The following ARHGAP26 variants were observed in gnomAD, a reference collection of about 807,000 sequenced individuals.
The protein encoded by ARHGAP26 is Rho GTPase activating protein 26.
A neutral mutation model predicts 104.8 loss-of-function variants in ARHGAP26; 38 were observed. The observed-to-expected ratio is 0.36, with a 90% CI of 0.28 to 0.48. ARHGAP26 has a LOEUF of 0.48. ARHGAP26 is among the 20% of genes least tolerant of loss of function. The probability of loss-of-function intolerance (pLI) is 0.99; values close to 1 mark genes in which losing one functional copy is unlikely to be tolerated. For missense variants in ARHGAP26, 704 were observed against 947.9 expected, an observed-to-expected ratio of 0.74 and a Z score of 3.38; for synonymous variants, 341 against 340.0, an observed-to-expected ratio of 1.00 and a Z score of -0.03.
chr5:142,788,067 C>T (rs1350751101), intron 1 of ARHGAP26, among the ~76,000 whole-genome samples: 1 of 149,992 alleles, frequency 6.7e-6, no homozygotes, highest in Non-Finnish European at 1.5e-5. Flanking sequence ...GTGGCATGAT[C>T]TCGGCTCACT....
chr5:143,220,322 C>G (rs1187320230), intron 22 of ARHGAP26, among the ~76,000 whole-genome samples: 1 of 152,178 alleles, frequency 6.6e-6, no homozygotes, highest in Non-Finnish European at 1.5e-5. Context: ...TACTAGGTCG[C>G]TACTAGGAGG....
At chr5:143,008,656 G>T (rs1778326221) in intron 11 of ARHGAP26, among the ~76,000 whole-genome samples, 1 of 152,144 alleles carries the variant, frequency 6.6e-6, no homozygotes, top group African/African-American at 2.4e-5. Flanking sequence ...TCTTTATTTT[G>T]TCCAGATTTT....
At chr5:143,129,016 A>G (rs967900379) in intron 18 of ARHGAP26, among the ~76,000 whole-genome samples, 1 of 152,202 alleles carries the variant, frequency 6.6e-6, no homozygotes, top group African/African-American at 2.4e-5. Context: ...GGGATTGAAG[A>G]AGGTCTAAAA....
Position 143,028,513 on chromosome 5 carries a change from A to G in ARHGAP26, c.1145-8683A>G, listed in dbSNP as rs371331671. On this transcript the variant is annotated intron_variant, in intron 12 of 22. Transcript: ENST00000645722. ...ATATGAAAAGTATTTCATCAACTGG[A>G]AGATTTCATTCAAATATTAGGATAT... Among the ~76,000 whole-genome samples, 16 of 152,330 alleles carry G rather than the reference A, an allele frequency of 1.1e-4. 1 individual carries two copies. Among genetic ancestry groups the G allele is most frequent in the African/African-American group, 3.8e-4 (16 of 41,570 alleles).
Position 143,092,547 on chromosome 5 carries a change from C to T in ARHGAP26, c.1539-28441C>T, listed in dbSNP as rs540373964. On this transcript the variant is annotated intron_variant, in intron 17 of 22. Coordinates refer to ENST00000645722, the MANE Select transcript of ARHGAP26 (RefSeq NM_001135608.3). ...CATTCCTTTTTACATAAATTCTCCCCCCCCCACCTTTTTTTTTCTCAAAAA... is the reference window on the plus strand; with the variant it reads ...CATTCCTTTTTACATAAATTCTCCCTCCCCCACCTTTTTTTTTCTCAAAAA... 1.2e-3 allele frequency among the ~76,000 whole-genome samples: 175 copies of T among 152,172 alleles called. 2 individuals are homozygous for T. The South Asian group carries it at 0.022, about 19-fold the overall frequency.
At chr5:142,919,290 C>T (rs1762891381) in intron 10 of ARHGAP26, 1 of 398,466 alleles carries the variant, frequency 2.5e-6, no homozygotes, top group Non-Finnish European at 4.4e-6. Context: ...GGTGATGCAC[C>T]TACAAGCCAA....
At chr5:143,071,019 T>G (rs1436168281) in intron 17 of ARHGAP26, among the ~76,000 whole-genome samples, 1 of 152,170 alleles carries the variant, frequency 6.6e-6, no homozygotes, top group Non-Finnish European at 1.5e-5. Context: ...AAAGCAGTCC[T>G]AAGAAAGAAC....
intron 11 of ARHGAP26, among the ~76,000 whole-genome samples, chr5:143,007,431 C>T (rs187653966): frequency 1.3e-5 from 2 of 152,248 alleles, no homozygotes; most frequent in Admixed American, 1.3e-4. Context: ...TGTAGAATTC[C>T]TGTTATGCTT....
chr5:142,845,087 G>C (rs1460843459), intron 1 of ARHGAP26, among the ~76,000 whole-genome samples: 2 of 152,114 alleles, frequency 1.3e-5, no homozygotes, highest in Non-Finnish European at 2.9e-5. Flanking sequence ...ACAAGCACCA[G>C]GAATATCCTG....
intron 10 of ARHGAP26, among the ~76,000 whole-genome samples, chr5:142,915,916 A>G (rs933708967): frequency 1.3e-5 from 2 of 151,758 alleles, no homozygotes; most frequent in Non-Finnish European, 2.9e-5. Flanking sequence ...TCTCTCAAAG[A>G]CTCCTGTACT....
chr5:143,008,921 A>G (rs1778368964), intron 11 of ARHGAP26, among the ~76,000 whole-genome samples: 1 of 152,212 alleles, frequency 6.6e-6, no homozygotes, highest in Non-Finnish European at 1.5e-5. Flanking sequence ...AGCAGTGAAC[A>G]GAATTTATTG....
chr5:143,049,857 AAG>A (rs1202712859), intron 14 of ARHGAP26, among the ~76,000 whole-genome samples: 2 of 152,250 alleles, frequency 1.3e-5, no homozygotes, highest in East Asian at 3.9e-4. Flanking sequence ...GGATAATCTG[AAG>A]CATGCTGTGG....
At chr5:142,775,039 A>T (rs1312660341) in intron 1 of ARHGAP26, among the ~76,000 whole-genome samples, 1 of 152,194 alleles carries the variant, frequency 6.6e-6, no homozygotes, top group Admixed American at 6.5e-5. Context: ...GCCGATATAA[A>T]CATTTGCGTG....
intron 17 of ARHGAP26, among the ~76,000 whole-genome samples, chr5:143,073,826 T>C (rs73796549): frequency 2.6e-5 from 4 of 152,342 alleles, no homozygotes; most frequent in African/African-American, 9.6e-5. Context: ...AAGTTGTAAT[T>C]ATTTTTTAAT....
intron 20 of ARHGAP26, among the ~76,000 whole-genome samples, chr5:143,154,438 G>A (rs1800232257): frequency 6.6e-6 from 1 of 152,188 alleles, no homozygotes; most frequent in Non-Finnish European, 1.5e-5. Context: ...TTTTAGTACT[G>A]TGTATGGCAA....
At chr5:143,108,293 T>TG (rs1427805039) in intron 17 of ARHGAP26, among the ~76,000 whole-genome samples, 1 of 152,230 alleles carries the variant, frequency 6.6e-6, no homozygotes. Context: ...GGAATGTGGA[T>TG]GTACTATACC....
chr5:143,006,475 C>T (rs745803763), intron 11 of ARHGAP26, among the ~76,000 whole-genome samples: 15 of 152,070 alleles, frequency 9.9e-5, no homozygotes, highest in Non-Finnish European at 7.4e-5. Flanking sequence ...GTTCAGGAAT[C>T]GGTCTTTGGG....
At position 143,087,636 on chromosome 5, in the gene ARHGAP26, C is replaced by CTTT. The variant is rs35201189; in HGVS notation, c.1538+29913_1538+29915dup. Reference sequence around the variant, plus strand: ...CTCATCTAATTAACCCTGGCCCATTCTTTTTTTTTTTTTTTTTTTTTTTTT... The same window carrying CTTT: ...CTCATCTAATTAACCCTGGCCCATTCTTTTTTTTTTTTTTTTTTTTTTTTTTTT... On this transcript the variant is annotated intron_variant, in intron 17 of 22. Transcript: ENST00000645722. 9.4e-3 allele frequency among the ~76,000 whole-genome samples: 487 copies of CTTT among 51,546 alleles called. 136 individuals are homozygous for CTTT. Among genetic ancestry groups the CTTT allele is most frequent in the East Asian group, 0.052 (61 of 1,166 alleles). The allele number at this position is 51,546 out of a possible 152,430, so 33.8% of individuals were successfully genotyped here. A position where few individuals can be genotyped will look rare whatever the true frequency, so the allele number is the denominator to read the frequency against.
Position 142,933,307 on chromosome 5 carries a change from A to ATC in ARHGAP26, c.1107+1186_1107+1187dup, listed in dbSNP as rs549108245. Reference sequence around the variant, plus strand: ...TTAGGCACAGGACTGAGCACATTACATCTCTTAACCTGTTTATTTCTCTTA... The same window carrying ATC: ...TTAGGCACAGGACTGAGCACATTACATCTCTCTTAACCTGTTTATTTCTCTTA... On this transcript the variant is annotated intron_variant, in intron 11 of 22. Coordinates refer to ENST00000645722, the MANE Select transcript of ARHGAP26 (RefSeq NM_001135608.3). Among the ~76,000 whole-genome samples the ATC allele has an allele frequency of 1.8e-3, 274 of 152,342 alleles. 1 individual carries two copies. Among genetic ancestry groups the ATC allele is most frequent in the Admixed American group, 3.9e-3 (59 of 15,294 alleles).
Sources: allele counts gnomAD v4.1 joint callset (sites outside exome capture counted in the v4.1 genomes callset), GRCh38; gene constraint gnomAD v4.1.1; transcripts MANE v1.5; gene names NCBI Gene and HGNC (gene_info 2026-07-23, HGNC 2026-07-21).